Variants in PDZRN4 observed in about 807,000 individuals in gnomAD.
PDZRN4 encodes the protein PDZ domain-containing RING finger protein 4.
Under a neutral mutation model 99.0 loss-of-function variants are expected in PDZRN4, and 70 were observed. That is an observed-to-expected ratio of 0.71 (90% CI 0.58 to 0.86). The LOEUF (loss-of-function observed/expected upper bound fraction) is 0.86, where lower values mean the gene tolerates loss of function less well. Ranked by LOEUF, PDZRN4 falls within the 40% of genes least tolerant of loss-of-function variation. The pLI is 0.00. For synonymous variants in PDZRN4, 551 were observed against 501.6 expected, an observed-to-expected ratio of 1.10 and a Z score of -1.32; for missense variants, 1,474 against 1,331.2, an observed-to-expected ratio of 1.11 and a Z score of -1.67.
intron 3 of PDZRN4, among the ~76,000 whole-genome samples, chr12:41,447,702 TAGTCAAGTAACA>T (rs1952740714): frequency 6.6e-6 from 1 of 152,110 alleles, no homozygotes; most frequent in Non-Finnish European, 1.5e-5. Context: ...AAGCACAAAG[TAGTCAAGTAACA>T]AATTCATATT....
chr12:41,498,730 C>T (rs1938056792), intron 3 of PDZRN4, among the ~76,000 whole-genome samples: 1 of 152,066 alleles, frequency 6.6e-6, no homozygotes, highest in African/African-American at 2.4e-5. Flanking sequence ...TACAAAATAC[C>T]TGTACACATC....
chr12:41,420,335 A>G (rs1285332316), intron 3 of PDZRN4, among the ~76,000 whole-genome samples: 1 of 152,008 alleles, frequency 6.6e-6, no homozygotes, highest in Non-Finnish European at 1.5e-5. Context: ...ACTCATTCCT[A>G]TTAGAAAACA....
At chr12:41,427,047 G>A (rs904440174) in intron 3 of PDZRN4, among the ~76,000 whole-genome samples, 1 of 152,172 alleles carries the variant, frequency 6.6e-6, no homozygotes, top group Admixed American at 6.5e-5. Context: ...GAAGTTCTCA[G>A]CAAACATTTG....
At chr12:41,236,422 C>T (rs565885581) in intron 3 of PDZRN4, among the ~76,000 whole-genome samples, 34 of 151,982 alleles carry the variant, frequency 2.2e-4, no homozygotes, top group African/African-American at 7.7e-4. Flanking sequence ...GAAGGTGAGG[C>T]GGGAGGCTCA....
chr12:41,538,847 A>C (rs746660215), intron 5 of PDZRN4, among the ~76,000 whole-genome samples: 38 of 152,092 alleles, frequency 2.5e-4, no homozygotes, highest in South Asian at 4.1e-4. Context: ...CACTGGAAGA[A>C]TTATACTATC....
Position 41,257,210 on chromosome 12 carries a change from A to G in PDZRN4, c.843+63022A>G, listed in dbSNP as rs533639389. On this transcript the variant is annotated intron_variant, in intron 3 of 9. Transcript: ENST00000402685. ...CCTAAGATAAGCATAACTACTTAGC[A>G]TGGTTTTCTGGAAGCTGGGAAGTCC... Among the ~76,000 whole-genome samples the G allele has an allele frequency of 1.6e-4, 25 of 152,310 alleles. No individual in the cohort carries two copies. The South Asian group carries it at 2.7e-3, about 16-fold the overall frequency.
At chr12:41,205,648 T>C (rs1254978030) in intron 3 of PDZRN4, among the ~76,000 whole-genome samples, 1 of 151,982 alleles carries the variant, frequency 6.6e-6, no homozygotes, top group African/African-American at 2.4e-5. Flanking sequence ...AAGCCTCCTC[T>C]GTCTTTCCTG....
chr12:41,259,808 T>G (rs1951225690), intron 3 of PDZRN4, among the ~76,000 whole-genome samples: 1 of 152,148 alleles, frequency 6.6e-6, no homozygotes, highest in Non-Finnish European at 1.5e-5. Flanking sequence ...AGCCCTCTCT[T>G]TTAGATATCT....
chr12:41,380,097 C>T (rs1209541219), intron 3 of PDZRN4, among the ~76,000 whole-genome samples: 1 of 151,560 alleles, frequency 6.6e-6, no homozygotes, highest in Non-Finnish European at 1.5e-5. Flanking sequence ...ATATATTTAC[C>T]TTCTTTGTCT....
chr12:41,361,990 TG>T (rs1228324960), intron 3 of PDZRN4, among the ~76,000 whole-genome samples: 1 of 152,024 alleles, frequency 6.6e-6, no homozygotes, highest in Non-Finnish European at 1.5e-5. Flanking sequence ...CAGAACCAGC[TG>T]TGTGCTTGGC....
chr12:41,497,606 A>T (rs1307636478), intron 3 of PDZRN4, among the ~76,000 whole-genome samples: 1 of 152,156 alleles, frequency 6.6e-6, no homozygotes, highest in Non-Finnish European at 1.5e-5. Flanking sequence ...GAGATATAAA[A>T]AGTCTTTTTG....
intron 3 of PDZRN4, among the ~76,000 whole-genome samples, chr12:41,393,472 A>T (rs1217625129): frequency 6.6e-6 from 1 of 151,310 alleles, no homozygotes; most frequent in African/African-American, 2.4e-5. Context: ...TTAGGGTCTT[A>T]TGAGCTCAGG....
chr12:41,281,214 A>G (rs1951383633), intron 3 of PDZRN4, among the ~76,000 whole-genome samples: 1 of 151,942 alleles, frequency 6.6e-6, no homozygotes, highest in Non-Finnish European at 1.5e-5. Flanking sequence ...TCCAAAGATC[A>G]CCAACAGCAA....
intron 2 of PDZRN4, among the ~76,000 whole-genome samples, chr12:41,193,062 G>A (rs114277711): frequency 0.015 from 2,349 of 152,306 alleles, 66 homozygotes; most frequent in African/African-American, 0.054. Context: ...TTTAGGTAAG[G>A]ATGGCAGTGA....
chr12:41,267,674 C>CA (rs5797720), intron 3 of PDZRN4, among the ~76,000 whole-genome samples: 7,443 of 139,036 alleles, frequency 0.054, 207 homozygotes, highest in Non-Finnish European at 0.06. Flanking sequence ...ACTAAAAATA[C>CA]AAAAAAAAAA....
intron 3 of PDZRN4, among the ~76,000 whole-genome samples, chr12:41,493,790 T>C (rs1187367965): frequency 6.6e-6 from 1 of 152,040 alleles, no homozygotes; most frequent in African/African-American, 2.4e-5. Context: ...TGCTGAATTT[T>C]TGTAAGGCAG....
intron 3 of PDZRN4, among the ~76,000 whole-genome samples, chr12:41,327,253 C>A (rs1241378432): frequency 6.6e-6 from 1 of 152,166 alleles, no homozygotes; most frequent in African/African-American, 2.4e-5. Context: ...TAGCTATTGG[C>A]AGAAAGCTTG....
intron 3 of PDZRN4, among the ~76,000 whole-genome samples, chr12:41,433,088 A>C (rs1362652594): frequency 6.6e-6 from 1 of 152,232 alleles, no homozygotes; most frequent in East Asian, 1.9e-4. Context: ...TAGCTGTGAC[A>C]TTCAAAAAAT....
intron 5 of PDZRN4, among the ~76,000 whole-genome samples, chr12:41,516,441 GAGA>G (rs1259873549): frequency 1.3e-5 from 2 of 152,038 alleles, no homozygotes; most frequent in African/African-American, 2.4e-5. Context: ...TGGGGGAGAG[GAGA>G]AGAAGGCTGA....
Sources: gnomAD v4.1 joint callset for allele counts (sites outside exome capture counted in the v4.1 genomes callset) on GRCh38, gnomAD v4.1.1 for gene constraint, MANE v1.5 for transcripts, NCBI Gene and HGNC (gene_info 2026-07-23, HGNC 2026-07-21) for gene names.